Variants in UGT1A5 observed in about 807,000 individuals in gnomAD.
The protein encoded by UGT1A5 is UDP glucuronosyltransferase family 1 member A5, also known as UDP-glucuronosyltransferase 1A5.
UGT1A5 carries 29 observed loss-of-function variants against 40.3 expected under a neutral mutation model. The observed-to-expected ratio is 0.72, with a 90% CI of 0.54 to 0.98. The LOEUF (loss-of-function observed/expected upper bound fraction) is 0.98, where lower values mean the gene tolerates loss of function less well. UGT1A5 is among the 50% of genes least tolerant of loss of function. UGT1A5 has a pLI of 0.00. For missense variants in UGT1A5, 678 were observed against 677.9 expected, an observed-to-expected ratio of 1.00 and a Z score of 0.00; for synonymous variants, 257 against 262.5, an observed-to-expected ratio of 0.98 and a Z score of 0.20.
At chr2:233,728,608 G>C (rs535590480) in intron 1 of UGT1A5, among the ~76,000 whole-genome samples, 2 of 152,172 alleles carry the variant, frequency 1.3e-5, no homozygotes, top group South Asian at 2.1e-4. Context: ...CAGCCTCCAC[G>C]CTGTTCAGAG....
intron 1 of UGT1A5, among the ~76,000 whole-genome samples, chr2:233,730,769 G>A (rs1017824034): frequency 2.0e-5 from 3 of 152,108 alleles, no homozygotes; most frequent in Non-Finnish European, 4.4e-5. Context: ...GAATCTATAA[G>A]CCCAGTGAAG....
intron 1 of UGT1A5, chr2:233,760,907 T>A: frequency 6.2e-7 from 1 of 1,614,208 alleles, no homozygotes. Context: ...ATGACCTTCC[T>A]GCAGCGGGTG....
rs1017104769 is a variant in UGT1A5, at chr2:233,772,683, C to T, written c.*124C>T. On this transcript the variant is annotated 3_prime_UTR_variant, in exon 5 of 5. Transcript: ENST00000373414. The stretch of plus-strand genomic sequence containing the variant: ...GAAATACTTTGCATAAATTAATCAG[C>T]CCCAGAGTGCTTTAAAAAATTCTCT... 4 of 1,495,776 alleles carry T rather than the reference C, an allele frequency of 2.7e-6. No individual in the cohort carries two copies. Among genetic ancestry groups the T allele is most frequent in the Admixed American group, 4.9e-5 (2 of 41,024 alleles). 92.7% of individuals were successfully genotyped at this position (1,495,776 alleles called of 1,614,324 possible).
chr2:233,719,252 T>G (rs2076741853), intron 1 of UGT1A5: 2 of 1,614,040 alleles, frequency 1.2e-6, no homozygotes, highest in Non-Finnish European at 1.7e-6. Flanking sequence ...TGAATGCTAC[T>G]TCCTTTGATG....
rs774677126 is a variant in UGT1A5, at chr2:233,772,538, C to T, written c.1584C>T (p.Ala528=). The change falls in exon 5 of 5, where the codon GCC becomes GCT. Residue 528 remains alanine (A), a synonymous_variant. Coordinates refer to ENST00000373414, the MANE Select transcript of UGT1A5 (RefSeq NM_019078.2). ...GGAAAAAAGGGCGAGTTAAGAAAGC[C>T]CACAAATCCAAGACCCATTGAGAAG... ...CLGKKGRVKK[A]HKSKTH is the part of the protein sequence containing the mutation. 4 of 1,614,040 alleles carry T rather than the reference C, an allele frequency of 2.5e-6. No individual in the cohort carries two copies. The highest frequency in any genetic ancestry group is 3.4e-6 in the Non-Finnish European group (4 of 1,179,978).
rs564518266 is a variant in UGT1A5 at position 233,725,998 on chromosome 2, T to G, written c.867+12140T>G. Among the ~76,000 whole-genome samples the G allele has an allele frequency of 3.4e-4, 52 of 152,142 alleles. No individual in the cohort carries two copies. The Middle Eastern group carries it at 0.014, about 40-fold the overall frequency. ...CTGGGAAACGTGCTGAGACTGCATC[T>G]CTACAAAAAATCAAAAAATTATCCA... On this transcript the variant is annotated intron_variant, in intron 1 of 4. Coordinates refer to ENST00000373414, the MANE Select transcript of UGT1A5 (RefSeq NM_019078.2).
At chr2:233,746,459 A>G (rs1222925950) in intron 1 of UGT1A5, among the ~76,000 whole-genome samples, 1 of 151,694 alleles carries the variant, frequency 6.6e-6, no homozygotes, top group African/African-American at 2.4e-5. Flanking sequence ...GTACCTTCAA[A>G]AGGGTTCCAG....
intron 1 of UGT1A5, chr2:233,719,434 T>A: frequency 1.9e-6 from 3 of 1,613,970 alleles, no homozygotes; most frequent in Non-Finnish European, 2.5e-6. Flanking sequence ...TCAGACCACA[T>A]GACATTCCTG....
chr2:233,760,360 T>A (rs751894919), intron 1 of UGT1A5: 1 of 1,614,114 alleles, frequency 6.2e-7, no homozygotes, highest in East Asian at 2.2e-5. Flanking sequence ...CCCAGTGGTG[T>A]CCCATGCTGG....
intron 1 of UGT1A5, among the ~76,000 whole-genome samples, chr2:233,724,428 T>C (rs2077257386): frequency 7.8e-6 from 1 of 128,780 alleles, no homozygotes; most frequent in African/African-American, 3.1e-5. Flanking sequence ...GCGGAGAGGC[T>C]CCTCACTTCT....
intron 1 of UGT1A5, chr2:233,729,328 C>T (rs765145094): frequency 7.4e-6 from 12 of 1,614,122 alleles, no homozygotes; most frequent in South Asian, 2.2e-5. Context: ...GGTGAATATG[C>T]ACATCAAAGA....
At chr2:233,719,208 G>A (rs2076737405) in intron 1 of UGT1A5, 1 of 1,614,098 alleles carries the variant, frequency 6.2e-7, no homozygotes, top group African/African-American at 1.3e-5. Context: ...GTGTTGTGTG[G>A]AGCTACTGCA....
intron 1 of UGT1A5, among the ~76,000 whole-genome samples, chr2:233,745,008 AATGTAAATGCT>A (rs1243749653): frequency 6.6e-6 from 1 of 151,846 alleles, no homozygotes; most frequent in Non-Finnish European, 1.5e-5. Flanking sequence ...TTACCTAATA[AATGTAAATGCT>A]ATGTAAATAG....
chr2:233,758,656 C>T (rs35815287), intron 1 of UGT1A5, among the ~76,000 whole-genome samples: 1 of 152,054 alleles, frequency 6.6e-6, no homozygotes, highest in East Asian at 1.9e-4. Context: ...GAGAGGGTAC[C>T]CTAATTACCT....
At chr2:233,729,653 T>C (rs781239546) in intron 1 of UGT1A5, 1 of 1,613,906 alleles carries the variant, frequency 6.2e-7, no homozygotes, top group East Asian at 2.2e-5. Flanking sequence ...TTGAGGAACA[T>C]TCCATGTGAT....
chr2:233,750,793 G>A (rs996966433), intron 1 of UGT1A5: 7 of 151,906 alleles, frequency 4.6e-5, no homozygotes, highest in African/African-American at 1.7e-4. Flanking sequence ...CAGAAGATAA[G>A]AATTTAGGTT....
Position 233,767,071 on chromosome 2 carries a change from G to C in UGT1A5, c.905G>C (p.Gly302Ala). 1 of 1,614,098 alleles carries C rather than the reference G, an allele frequency of 6.2e-7. No homozygotes were observed. The highest frequency in any genetic ancestry group is 8.5e-7 in the Non-Finnish European group (1 of 1,180,012). ...TACATTAATGCTTCTGGAGAACATG[G>C]AATTGTGGTTTTCTCTTTGGGATCA... The part of the protein sequence containing the change: ...EAYINASGEH[G>A]IVVFSLGSMV... The change falls in exon 2 of 5, where the codon GGA (glycine) becomes GCA (alanine). Residue 302 changes from glycine (G) to alanine (A), a missense_variant. Gly to Ala is a moderately conservative substitution (Grantham distance 60). Coordinates refer to ENST00000373414, the MANE Select transcript of UGT1A5 (RefSeq NM_019078.2).
At chr2:233,721,697 G>A (rs1469805668) in intron 1 of UGT1A5, 9 of 355,958 alleles carry the variant, frequency 2.5e-5, no homozygotes, top group Admixed American at 6.5e-5. Flanking sequence ...CAAGACGCAT[G>A]GCTCATCTTG....
chr2:233,735,701 C>T (rs2078683713), intron 1 of UGT1A5, among the ~76,000 whole-genome samples: 1 of 151,894 alleles, frequency 6.6e-6, no homozygotes, highest in South Asian at 2.1e-4. Flanking sequence ...GTAAGGCAGG[C>T]CTGGTGGTGA....
Sources: allele counts gnomAD v4.1 joint callset (sites outside exome capture counted in the v4.1 genomes callset), GRCh38; gene constraint gnomAD v4.1.1; transcripts MANE v1.5; gene names NCBI Gene and HGNC (gene_info 2026-07-23, HGNC 2026-07-21).